NPAS2: variants seen among roughly 807,000 people sequenced by gnomAD.
NPAS2 encodes the protein neuronal PAS domain-containing protein 2.
NPAS2 carries 23 observed loss-of-function variants against 107.5 expected under a neutral mutation model. That is an observed-to-expected ratio of 0.21 (90% CI 0.15 to 0.30). NPAS2 has a LOEUF of 0.30. Among genes scored for constraint, NPAS2 ranks in the 10% least tolerant of loss-of-function variants. The pLI is 1.00. For missense variants in NPAS2, 756 were observed against 1,043.3 expected, an observed-to-expected ratio of 0.72 and a Z score of 3.79; for synonymous variants, 403 against 417.5, an observed-to-expected ratio of 0.97 and a Z score of 0.42.
chr2:100,855,928 G>GT (rs1678525991), intron 1 of NPAS2, among the ~76,000 whole-genome samples: 2 of 152,174 alleles, frequency 1.3e-5, no homozygotes, highest in South Asian at 4.1e-4. Flanking sequence ...GAAGGTTAAG[G>GT]TAAGGGTTGG....
intron 3 of NPAS2, among the ~76,000 whole-genome samples, chr2:100,926,941 C>CT (rs71378131): frequency 0.16 from 20,922 of 126,830 alleles, 1,997 homozygotes; most frequent in Middle Eastern, 0.19. Context: ...TTTTTTCTTT[C>CT]TTTTTTTTTT....
chr2:100,942,459 C>CT (rs1482999753), intron 5 of NPAS2, among the ~76,000 whole-genome samples: 8 of 152,160 alleles, frequency 5.3e-5, no homozygotes, highest in Admixed American at 1.3e-4. Flanking sequence ...GAGCAGAGCC[C>CT]TGACAGGTGC....
intron 1 of NPAS2, among the ~76,000 whole-genome samples, chr2:100,840,286 T>C (rs1677315324): frequency 6.6e-6 from 1 of 152,194 alleles, no homozygotes; most frequent in Admixed American, 6.5e-5. Context: ...AGGTTACCGG[T>C]GTGGCTCTCC....
chr2:100,989,141 C>T (rs1414116396), intron 17 of NPAS2: 1 of 158,120 alleles, frequency 6.3e-6, no homozygotes, highest in Non-Finnish European at 1.4e-5. Context: ...AAGTCTGGAG[C>T]AGGGCTTCTG....
intron 1 of NPAS2, among the ~76,000 whole-genome samples, chr2:100,888,635 A>G (rs372258011): frequency 1.3e-5 from 2 of 152,188 alleles, no homozygotes; most frequent in South Asian, 2.1e-4. Flanking sequence ...GTTCAGGGGA[A>G]AATAGTTAAG....
At chr2:100,894,971 G>T (rs970066245) in intron 1 of NPAS2, among the ~76,000 whole-genome samples, 1 of 152,202 alleles carries the variant, frequency 6.6e-6, no homozygotes, top group African/African-American at 2.4e-5. Context: ...AGTCTTGTTG[G>T]CAAGGTGCCT....
chr2:100,840,944 C>T (rs928639827), intron 1 of NPAS2, among the ~76,000 whole-genome samples: 2 of 152,232 alleles, frequency 1.3e-5, no homozygotes, highest in East Asian at 3.9e-4. Context: ...GTTTGCATCT[C>T]TGCTCCACTT....
chr2:100,904,578 G>T (rs1392283078), intron 1 of NPAS2, among the ~76,000 whole-genome samples, 155 bp from the exon 2 acceptor site: 1 of 152,140 alleles, frequency 6.6e-6, no homozygotes, highest in African/African-American at 2.4e-5. Flanking sequence ...GGAGACCTCA[G>T]TCCATTTTGA....
chr2:100,971,158 T>C, intron 12 of NPAS2, 84 bp downstream of exon 12: 6 of 1,305,254 alleles, frequency 4.6e-6, no homozygotes, highest in Non-Finnish European at 5.5e-6. Flanking sequence ...CAAGGGTTTC[T>C]TTTCATCAAT....
chr2:100,962,050 T>C (rs1437826474), intron 7 of NPAS2, among the ~76,000 whole-genome samples: 5 of 152,342 alleles, frequency 3.3e-5, no homozygotes, highest in African/African-American at 1.2e-4. Context: ...TGTAGAACCG[T>C]CCCTTATGTG....
In NPAS2 at chr2:100,950,787, C is replaced by T. The variant is rs151030419; in HGVS notation, c.598+1307C>T. On this transcript the variant is annotated intron_variant, in intron 7 of 20. Coordinates refer to ENST00000335681, the MANE Select transcript of NPAS2 (RefSeq NM_002518.4). ...TGGTCGGAAGTGGTGGGAAGTCCAT[C>T]GTCCCAGGTGGGCCCCTACATCTGG... is the stretch of plus-strand genomic sequence containing the variant. Among the ~76,000 whole-genome samples the T allele has an allele frequency of 2.5e-3, 385 of 152,310 alleles. 3 individuals carry two copies. The highest frequency in any genetic ancestry group is 9.0e-3 in the African/African-American group (373 of 41,568).
chr2:100,931,801 A>G (rs1185301562), intron 3 of NPAS2, among the ~76,000 whole-genome samples: 3 of 152,182 alleles, frequency 2.0e-5, no homozygotes, highest in Non-Finnish European at 2.9e-5. Context: ...AGCTCTTTAC[A>G]TCTTTTGTTC....
intron 1 of NPAS2, among the ~76,000 whole-genome samples, chr2:100,886,212 A>G (rs1680689345): frequency 6.6e-6 from 1 of 152,188 alleles, no homozygotes; most frequent in African/African-American, 2.4e-5. Flanking sequence ...TCCTCCAATT[A>G]GTGGGCCCCC....
At chr2:100,827,343 T>C (rs4349369) in intron 1 of NPAS2, among the ~76,000 whole-genome samples, 44,869 of 152,166 alleles carry the variant, frequency 0.29, 9,723 homozygotes, top group African/African-American at 0.61. Flanking sequence ...CTTCGTACAT[T>C]GCATGAGACA....
intron 16 of NPAS2, chr2:100,986,537 G>A (rs1677792125): frequency 6.6e-6 from 1 of 152,224 alleles, no homozygotes; most frequent in South Asian, 2.1e-4. Context: ...AGGGCCTGAT[G>A]GACTGGAACA....
chr2:100,871,202 C>G (rs1171734778), intron 1 of NPAS2, among the ~76,000 whole-genome samples: 3 of 152,196 alleles, frequency 2.0e-5, no homozygotes, highest in Non-Finnish European at 4.4e-5. Context: ...TTACCTTTGG[C>G]TACTTTCCCA....
intron 8 of NPAS2, 57 bp from the exon 9 acceptor site, chr2:100,964,804 C>T: frequency 3.7e-6 from 4 of 1,074,306 alleles, no homozygotes; most frequent in Non-Finnish European, 5.5e-6. Context: ...TTGAACAAAC[C>T]TAGGGTGAGC....
intron 5 of NPAS2, among the ~76,000 whole-genome samples, chr2:100,941,834 G>C (rs895836845): frequency 2.0e-5 from 3 of 152,072 alleles, no homozygotes; most frequent in Non-Finnish European, 4.4e-5. Flanking sequence ...TCCTGTTTGG[G>C]CTTTTATTTG....
At chr2:100,911,226 A>G (rs1419919302) in intron 2 of NPAS2, among the ~76,000 whole-genome samples, 1 of 152,198 alleles carries the variant, frequency 6.6e-6, no homozygotes, top group Non-Finnish European at 1.5e-5. Context: ...TAGTGGCAAG[A>G]AAATAACCTC....
Sources: allele counts gnomAD v4.1 joint callset (sites outside exome capture counted in the v4.1 genomes callset), GRCh38; gene constraint gnomAD v4.1.1; transcripts MANE v1.5; gene names NCBI Gene and HGNC (gene_info 2026-07-23, HGNC 2026-07-21).